Variants in CCDC6 observed in about 807,000 individuals in gnomAD.
The protein encoded by CCDC6 is coiled-coil domain containing 6.
Under a neutral mutation model 56.6 loss-of-function variants are expected in CCDC6, and 20 were observed. The observed-to-expected ratio is 0.35, with a 90% confidence interval of 0.25 to 0.51. CCDC6 has a LOEUF of 0.51. CCDC6 is among the 20% of genes least tolerant of loss of function. The pLI is 0.95. For missense variants in CCDC6, 367 were observed against 601.1 expected (o/e 0.61, Z 4.07); for synonymous variants, 241 against 234.4 (o/e 1.03, Z -0.26).
intron 1 of CCDC6, among the ~76,000 whole-genome samples, chr10:59,862,700 A>G (rs1470730683): frequency 6.6e-6 from 1 of 151,986 alleles, no homozygotes; most frequent in Non-Finnish European, 1.5e-5. Flanking sequence ...AAAAGGTTTA[A>G]GATCACAGTA....
intron 1 of CCDC6, among the ~76,000 whole-genome samples, chr10:59,888,394 T>G (rs2071398242): frequency 6.6e-6 from 1 of 152,212 alleles, no homozygotes; most frequent in Non-Finnish European, 1.5e-5. Context: ...GACCTAAACT[T>G]TCTGCTGCTT....
chr10:59,868,583 A>G (rs2071198099), intron 1 of CCDC6, among the ~76,000 whole-genome samples: 5 of 151,760 alleles, frequency 3.3e-5, no homozygotes, highest in Non-Finnish European at 7.4e-5. Context: ...TGCCCTCCCT[A>G]CTGAGGTTGA....
chr10:59,886,280 G>A (rs2071383043), intron 1 of CCDC6, among the ~76,000 whole-genome samples: 1 of 152,158 alleles, frequency 6.6e-6, no homozygotes, highest in South Asian at 2.1e-4. Context: ...GAGGAAGAAG[G>A]AGGCTACAAT....
chr10:59,874,621 A>G (rs987290177), intron 1 of CCDC6, among the ~76,000 whole-genome samples: 2 of 152,222 alleles, frequency 1.3e-5, no homozygotes, highest in African/African-American at 4.8e-5. Flanking sequence ...TTAAGGGAAC[A>G]GATAGAATTA....
chr10:59,842,944 G>A (rs1036662664), intron 2 of CCDC6, among the ~76,000 whole-genome samples: 2 of 151,904 alleles, frequency 1.3e-5, no homozygotes, highest in Admixed American at 6.6e-5. Flanking sequence ...TAGTAGAGAC[G>A]GGGTTTCACC....
At chr10:59,799,698 T>C (rs2070556466) in intron 7 of CCDC6, among the ~76,000 whole-genome samples, 1 of 152,206 alleles carries the variant, frequency 6.6e-6, no homozygotes, top group Non-Finnish European at 1.5e-5. Context: ...CACAGCTTCT[T>C]CCTGCTCCCA....
At chr10:59,895,801 C>T (rs1173469211) in intron 1 of CCDC6, among the ~76,000 whole-genome samples, 1 of 152,124 alleles carries the variant, frequency 6.6e-6, no homozygotes, top group South Asian at 2.1e-4. Flanking sequence ...TACCTGAGGG[C>T]GTTGGATCAC....
chr10:59,844,624 G>C (rs150893648), intron 2 of CCDC6, among the ~76,000 whole-genome samples: 49 of 143,146 alleles, frequency 3.4e-4, no homozygotes, highest in African/African-American at 1.2e-3. Flanking sequence ...AGCTGGGCTA[G>C]TTAAAATTAG....
intron 2 of CCDC6, among the ~76,000 whole-genome samples, chr10:59,838,934 AG>A (rs1443175220): frequency 1.3e-5 from 2 of 152,134 alleles, no homozygotes. Context: ...CCCTCCTTTA[AG>A]GGGTGAGAAG....
intron 1 of CCDC6, among the ~76,000 whole-genome samples, chr10:59,897,256 AT>A (rs953926335): frequency 2.0e-3 from 294 of 145,012 alleles, no homozygotes; most frequent in South Asian, 3.5e-3. Flanking sequence ...TATTAGGATA[AT>A]TTTTTTTTTT....
chr10:59,860,717 T>G (rs1309578941), intron 1 of CCDC6, among the ~76,000 whole-genome samples: 1 of 152,094 alleles, frequency 6.6e-6, no homozygotes. Flanking sequence ...CAATCCCATA[T>G]ACATGACCTA....
chr10:59,821,184 A>T (rs1467064821), intron 3 of CCDC6, among the ~76,000 whole-genome samples: 1 of 152,224 alleles, frequency 6.6e-6, no homozygotes, highest in African/African-American at 2.4e-5. Context: ...CTATTTTCCC[A>T]TACACCTGAG....
intron 3 of CCDC6, among the ~76,000 whole-genome samples, chr10:59,822,899 T>TAA (rs35908853): frequency 1.0e-3 from 149 of 147,778 alleles, no homozygotes; most frequent in African/African-American, 3.3e-3. Flanking sequence ...CCTATGCTTA[T>TAA]AAAAAAAAAA....
In CCDC6 at chr10:59,843,912, C is replaced by A. The variant is rs1015525620; in HGVS notation, c.453+8641G>T. ...ACTTTGACCAAAAGCAATCAACTGA[C>A]TTCTGCAGCCCCAGCTCCATACAAC... On this transcript the variant is annotated intron_variant, in intron 2 of 8. Coordinates refer to ENST00000263102, the MANE Select transcript of CCDC6 (RefSeq NM_005436.5). Among the ~76,000 whole-genome samples, 50 of 152,180 alleles carry A rather than the reference C, an allele frequency of 3.3e-4. 1 individual carries two copies. Among genetic ancestry groups the A allele is most frequent in the South Asian group, 1.0e-3 (5 of 4,830 alleles).
intron 3 of CCDC6, among the ~76,000 whole-genome samples, chr10:59,816,887 T>C (rs1013737516): frequency 6.6e-6 from 1 of 152,236 alleles, no homozygotes; most frequent in African/African-American, 2.4e-5. Flanking sequence ...GCCATGATTA[T>C]GTAGCAAACT....
chr10:59,846,217 C>T (rs714340), intron 2 of CCDC6, among the ~76,000 whole-genome samples: 2,162 of 152,232 alleles, frequency 0.014, 40 homozygotes, highest in East Asian at 0.033. Context: ...ACCACTTCTC[C>T]AGAATTGACA....
intron 1 of CCDC6, among the ~76,000 whole-genome samples, chr10:59,853,777 A>T (rs1023129878): frequency 6.6e-6 from 1 of 152,158 alleles, no homozygotes; most frequent in Non-Finnish European, 1.5e-5. Context: ...AGTGAATTGA[A>T]TTTTAAAAAC....
At chr10:59,833,427 C>T (rs2070850183) in intron 2 of CCDC6, among the ~76,000 whole-genome samples, 1 of 152,042 alleles carries the variant, frequency 6.6e-6, no homozygotes, top group African/African-American at 2.4e-5. Context: ...CCAGCTTGGA[C>T]AACGAGAGCA....
chr10:59,847,104 G>C (rs991849207), intron 2 of CCDC6, among the ~76,000 whole-genome samples: 1 of 151,942 alleles, frequency 6.6e-6, no homozygotes, highest in Non-Finnish European at 1.5e-5. Flanking sequence ...CCAGGATGGA[G>C]TGCAGTGGCG....
Sources: allele counts gnomAD v4.1 joint callset (sites outside exome capture counted in the v4.1 genomes callset), GRCh38; gene constraint gnomAD v4.1.1; transcripts MANE v1.5; gene names NCBI Gene and HGNC (gene_info 2026-07-23, HGNC 2026-07-21).